SORCS3: variants seen among roughly 807,000 people sequenced by gnomAD.
The protein encoded by SORCS3 is sortilin related VPS10 domain containing receptor 3, also known as VPS10 domain-containing receptor SorCS3.
Under a neutral mutation model 146.3 loss-of-function variants are expected in SORCS3, and 57 were observed. The ratio of observed to expected loss-of-function variants is 0.39; its 90% CI spans 0.31 to 0.49. SORCS3 has a LOEUF of 0.49. Among genes scored for constraint, SORCS3 ranks in the 20% least tolerant of loss-of-function variants. The pLI is 0.92. For synonymous variants in SORCS3, 653 were observed against 618.5 expected (o/e 1.06, Z -0.83); for missense variants, 1,341 against 1,575.5 (o/e 0.85, Z 2.52).
In SORCS3 at chr10:105,252,996, G is replaced by T; in HGVS notation, c.3237+90G>T. The stretch of plus-strand genomic sequence containing the variant: ...TGTTTTCAGCCAGAAAGGGAGACAG[G>T]CTCTCTTCCATTACCCCAACAGCCA... On this transcript the variant is annotated intron_variant, in intron 23 of 26. Coordinates refer to ENST00000369701, the MANE Select transcript of SORCS3 (RefSeq NM_014978.3). 2.7e-6 allele frequency: 4 copies of T among 1,468,378 alleles called. No homozygotes were observed. In the South Asian group the frequency reaches 5.3e-5, roughly 20 times the overall value. 91.0% of individuals were successfully genotyped at this position (1,468,378 alleles called of 1,614,324 possible). A position where few individuals can be genotyped will look rare whatever the true frequency, so the allele number is the denominator to read the frequency against.
At chr10:105,144,633 C>T (rs2119459641) in intron 8 of SORCS3, among the ~76,000 whole-genome samples, 2 of 152,168 alleles carry the variant, frequency 1.3e-5, no homozygotes, top group East Asian at 3.9e-4. Flanking sequence ...GTGATTATGT[C>T]TGATGCTTTT....
intron 5 of SORCS3, among the ~76,000 whole-genome samples, chr10:105,047,686 T>G (rs1283719258): frequency 6.6e-6 from 1 of 151,992 alleles, no homozygotes; most frequent in Non-Finnish European, 1.5e-5. Context: ...TGATGCCTGG[T>G]TTAGGATGAA....
intron 1 of SORCS3, among the ~76,000 whole-genome samples, chr10:104,652,335 C>T (rs908864335): frequency 1.3e-5 from 2 of 152,114 alleles, no homozygotes; most frequent in Admixed American, 6.5e-5. Context: ...ATTGGTGCAG[C>T]CCATCTCACC....
intron 5 of SORCS3, among the ~76,000 whole-genome samples, chr10:105,066,230 CT>C (rs1330708041): frequency 2.0e-5 from 3 of 152,232 alleles, no homozygotes; most frequent in Non-Finnish European, 4.4e-5. Flanking sequence ...ACGCCTTCCC[CT>C]GTCCCATCCC....
At chr10:104,901,421 T>C (rs1384535394) in intron 2 of SORCS3, among the ~76,000 whole-genome samples, 1 of 152,254 alleles carries the variant, frequency 6.6e-6, no homozygotes, top group Non-Finnish European at 1.5e-5. Flanking sequence ...TCCATTTGGC[T>C]TAATTGCTTC....
chr10:105,147,992 G>T (rs2056143867), intron 9 of SORCS3, among the ~76,000 whole-genome samples, 196 bp downstream of exon 9: 1 of 152,070 alleles, frequency 6.6e-6, no homozygotes, highest in African/African-American at 2.4e-5. Context: ...GGAGATTATT[G>T]TGAGATGAGA....
chr10:104,828,108 T>G (rs2017958864), intron 1 of SORCS3, among the ~76,000 whole-genome samples: 1 of 152,180 alleles, frequency 6.6e-6, no homozygotes, highest in African/African-American at 2.4e-5. Context: ...TTCACTGGAA[T>G]AGTGTTTAAA....
chr10:104,968,335 C>T (rs753709213), intron 3 of SORCS3, among the ~76,000 whole-genome samples: 22 of 152,260 alleles, frequency 1.4e-4, no homozygotes, highest in Admixed American at 7.8e-4. Context: ...AGGCTGGTCT[C>T]GAACTCCTGA....
At chr10:104,999,507 A>G (rs2055048255) in intron 4 of SORCS3, among the ~76,000 whole-genome samples, 2 of 152,166 alleles carry the variant, frequency 1.3e-5, no homozygotes, top group South Asian at 4.1e-4. Flanking sequence ...TTGTTCAAAT[A>G]TTGTCCTGTG....
chr10:104,991,920 T>TG, intron 4 of SORCS3, among the ~76,000 whole-genome samples: 1 of 152,346 alleles, frequency 6.6e-6, no homozygotes, highest in African/African-American at 2.4e-5. Context: ...TCTGAGGTAC[T>TG]GGGGGTTAGG....
At chr10:104,867,207 AG>A (rs2018469201) in intron 2 of SORCS3, among the ~76,000 whole-genome samples, 1 of 151,108 alleles carries the variant, frequency 6.6e-6, no homozygotes, top group African/African-American at 2.4e-5. Flanking sequence ...GGGAGAGGAG[AG>A]GAGAGGAGAG....
chr10:104,668,582 C>G (rs1467823602), intron 1 of SORCS3, among the ~76,000 whole-genome samples: 1 of 152,168 alleles, frequency 6.6e-6, no homozygotes, highest in Non-Finnish European at 1.5e-5. Flanking sequence ...GTGAGATACA[C>G]TTGTATTGTC....
chr10:104,830,882 G>A (rs149912009), intron 1 of SORCS3, among the ~76,000 whole-genome samples: 115 of 152,262 alleles, frequency 7.6e-4, no homozygotes, highest in Admixed American at 8.5e-4. Context: ...TGCGAATGCA[G>A]CTCACTACAG....
intron 5 of SORCS3, among the ~76,000 whole-genome samples, chr10:105,083,660 T>C (rs1411506030): frequency 1.3e-5 from 2 of 152,174 alleles, no homozygotes; most frequent in Non-Finnish European, 1.5e-5. Flanking sequence ...TTTGCAAAAA[T>C]CTTCAGTCAC....
chr10:104,745,444 G>A (rs1281949200), intron 1 of SORCS3, among the ~76,000 whole-genome samples: 1 of 152,200 alleles, frequency 6.6e-6, no homozygotes. Context: ...CATATTTTAA[G>A]TATGTGAAAT....
chr10:104,843,041 A>G (rs1188010761), intron 2 of SORCS3, among the ~76,000 whole-genome samples, 182 bp downstream of exon 2: 1 of 152,188 alleles, frequency 6.6e-6, no homozygotes, highest in Non-Finnish European at 1.5e-5. Context: ...TGCTCTGCTT[A>G]TCTCTTTTGG....
At chr10:104,769,069 C>T (rs1293683915) in intron 1 of SORCS3, among the ~76,000 whole-genome samples, 1 of 152,198 alleles carries the variant, frequency 6.6e-6, no homozygotes, top group Non-Finnish European at 1.5e-5. Context: ...TCTTCCAAAC[C>T]TTCCACCTCT....
chr10:105,249,735 A>G (rs982295936), intron 22 of SORCS3, among the ~76,000 whole-genome samples: 2 of 152,044 alleles, frequency 1.3e-5, no homozygotes, highest in Non-Finnish European at 2.9e-5. Context: ...AATAAAAAAA[A>G]TTTATCCGGG....
chr10:104,693,247 T>C (rs920333744), intron 1 of SORCS3, among the ~76,000 whole-genome samples: 36 of 152,236 alleles, frequency 2.4e-4, no homozygotes, highest in African/African-American at 8.4e-4. Context: ...TTGGCTGAGC[T>C]CCAGTGTATG....
Sources: gnomAD v4.1 joint callset for allele counts (sites outside exome capture counted in the v4.1 genomes callset) on GRCh38, gnomAD v4.1.1 for gene constraint, MANE v1.5 for transcripts, NCBI Gene and HGNC (gene_info 2026-07-23, HGNC 2026-07-21) for gene names.